Variants in USP3 observed in about 807,000 individuals in gnomAD.
USP3 encodes ubiquitin specific peptidase 3, also known as ubiquitin carboxyl-terminal hydrolase 3.
A neutral mutation model predicts 72.3 loss-of-function variants in USP3; 20 were observed. That is an observed-to-expected ratio of 0.28 (90% CI 0.19 to 0.40). The LOEUF is 0.40. USP3 is among the 10% of genes least tolerant of loss of function. USP3 has a pLI of 1.00. For missense variants in USP3, 479 were observed against 633.9 expected (o/e 0.76, Z 2.62); for synonymous variants, 222 against 225.3 (o/e 0.99, Z 0.13).
intron 1 of USP3, among the ~76,000 whole-genome samples, chr15:63,512,272 T>TTCTTCTTCC (rs534233373): frequency 6.6e-6 from 1 of 151,152 alleles, no homozygotes; most frequent in Non-Finnish European, 1.5e-5. Context: ...TCCCCTCTTC[T>TTCTTCTTCC]TCTTCTTCCT....
rs1260288881 is a variant in USP3 at position 63,504,647 on chromosome 15, A to G, written c.-93A>G. The G allele has an allele frequency of 1.1e-5, 12 of 1,130,898 alleles. No homozygotes were observed. Among genetic ancestry groups the G allele is most frequent in the African/African-American group, 6.5e-5 (4 of 61,728 alleles). 70.1% of individuals were successfully genotyped at this position (1,130,898 alleles called of 1,614,324 possible). A position where few individuals can be genotyped will look rare whatever the true frequency, so the allele number is the denominator to read the frequency against. ...GCCGCCGTCGGCCGAGCGCCCGGCTAGAAGCGACACCAGACGGAGCCTCCG... is the reference window on the plus strand; with the variant it reads ...GCCGCCGTCGGCCGAGCGCCCGGCTGGAAGCGACACCAGACGGAGCCTCCG... On this transcript the variant is annotated 5_prime_UTR_variant, in exon 1 of 15. Transcript: ENST00000380324.
At chr15:63,518,673 T>TCATGTATATATTTA in intron 1 of USP3, among the ~76,000 whole-genome samples, 1 of 152,348 alleles carries the variant, frequency 6.6e-6, no homozygotes, top group South Asian at 2.1e-4. Context: ...ATTTGTTTTA[T>TCATGTATATATTTA]CATGTATATA....
At chr15:63,558,322 T>G in intron 6 of USP3, 134 bp downstream of exon 6, 1 of 944,712 alleles carries the variant, frequency 1.1e-6, no homozygotes. Flanking sequence ...TGCTTTTGTT[T>G]CCTCATCAGT....
intron 4 of USP3, among the ~76,000 whole-genome samples, chr15:63,555,340 G>A (rs573155748): frequency 3.5e-4 from 53 of 152,186 alleles, no homozygotes; most frequent in Admixed American, 9.8e-4. Flanking sequence ...CGCATGCCCC[G>A]TGGAGCAGCA....
rs772552303 is a variant in USP3 at position 63,590,830 on chromosome 15, C to T, written c.*4C>T. 1 of 1,606,150 alleles carries T rather than the reference C, an allele frequency of 6.2e-7. No homozygotes were observed. On this transcript the variant is annotated 3_prime_UTR_variant, in exon 15 of 15. Coordinates refer to ENST00000380324, the MANE Select transcript of USP3 (RefSeq NM_006537.4). ...AGCTGGATCGGATAAACTTTAATAC[C>T]TCCTCCAAATCATCATTCACCAACC... is the stretch of plus-strand genomic sequence containing the variant.
At chr15:63,547,330 G>A (rs2066344273) in intron 3 of USP3, among the ~76,000 whole-genome samples, 1 of 152,130 alleles carries the variant, frequency 6.6e-6, no homozygotes, top group African/African-American at 2.4e-5. Context: ...CCCTCTTAGT[G>A]ACTGACTATA....
chr15:63,574,506 T>C lies in USP3; in HGVS notation c.1096+103T>C. On this transcript the variant is annotated intron_variant, in intron 11 of 14. Coordinates refer to ENST00000380324, the MANE Select transcript of USP3 (RefSeq NM_006537.4). The surrounding 1 kb of genome is among the most constrained non-coding windows in gnomAD (Gnocchi z 4.6). ...ATCTTTAATTAATATCTTTAATGAA[T>C]CTGTGTTGTAACTTAACAAAAGTCA... 1 of 872,502 alleles carries C rather than the reference T, an allele frequency of 1.1e-6. No individual in the cohort carries two copies. Among genetic ancestry groups the C allele is most frequent in the Non-Finnish European group, 1.7e-6 (1 of 605,120 alleles). 54.0% of individuals were successfully genotyped at this position (872,502 alleles called of 1,614,324 possible).
intron 1 of USP3, among the ~76,000 whole-genome samples, chr15:63,518,426 G>C (rs72750932): frequency 0.1 from 15,300 of 152,224 alleles, 1,046 homozygotes; most frequent in Non-Finnish European, 0.15. Flanking sequence ...AGGCAAGTTA[G>C]TGCCAGGTTT....
chr15:63,541,729 A>G (rs2066248041), intron 3 of USP3, among the ~76,000 whole-genome samples: 1 of 152,156 alleles, frequency 6.6e-6, no homozygotes, highest in Non-Finnish European at 1.5e-5. Context: ...TCAGTTTGAA[A>G]TAGGTGAAGT....
At chr15:63,589,400 C>T (rs1053912355) in intron 14 of USP3, among the ~76,000 whole-genome samples, 2 of 152,162 alleles carry the variant, frequency 1.3e-5, no homozygotes, top group Non-Finnish European at 2.9e-5. Context: ...TTAATTTTTT[C>T]CCCTGAAAGT....
chr15:63,504,982 C>A, intron 1 of USP3, 152 bp downstream of exon 1: 1 of 406,564 alleles, frequency 2.5e-6, no homozygotes, highest in Non-Finnish European at 3.5e-6. Context: ...CGCGATGAGG[C>A]GGGCGCGTGC....
chr15:63,593,064 G>A lies in USP3; in HGVS notation c.*2238G>A, dbSNP rs758531332. 2 of 152,334 alleles carry A rather than the reference G, an allele frequency of 1.3e-5. No individual in the cohort carries two copies. The highest frequency in any genetic ancestry group is 3.4e-3 in the Middle Eastern group (1 of 294). 9.4% of individuals were successfully genotyped at this position (152,334 alleles called of 1,614,324 possible). A position where few individuals can be genotyped will look rare whatever the true frequency, so the allele number is the denominator to read the frequency against. On this transcript the variant is annotated 3_prime_UTR_variant, in exon 15 of 15. Coordinates refer to ENST00000380324, the MANE Select transcript of USP3 (RefSeq NM_006537.4). ...CAAGTGCTCAGCACCCACATACGGC[G>A]TAGGACAATGCTGGTCTAAATTTTC... is the stretch of plus-strand genomic sequence containing the variant.
intron 6 of USP3, 50 bp from the exon 7 acceptor site, chr15:63,559,807 C>A (rs566127898): frequency 6.1e-6 from 9 of 1,487,022 alleles, no homozygotes; most frequent in Non-Finnish European, 7.3e-6. Flanking sequence ...ACTTTCTTTA[C>A]AGTCCTATTC....
rs182234742 is a variant in USP3, at chr15:63,534,655, C to G, written c.152+1948C>G. Among the ~76,000 whole-genome samples, 21 of 152,212 alleles carry G rather than the reference C, an allele frequency of 1.4e-4. No homozygotes were observed. In the East Asian group the frequency reaches 2.5e-3, roughly 18 times the overall value. ...AATCTTAATATCAGTATTCCTACTT[C>G]TTAGTTTATCTCTGATATGCACCGG... On this transcript the variant is annotated intron_variant, in intron 2 of 14. Transcript: ENST00000380324.
intron 4 of USP3, among the ~76,000 whole-genome samples, chr15:63,554,788 T>C (rs1426674494): frequency 1.3e-5 from 2 of 152,198 alleles, no homozygotes; most frequent in Non-Finnish European, 2.9e-5. Context: ...AGAATAATGA[T>C]TTCTTTAAAT....
chr15:63,506,622 G>C (rs967233055), intron 1 of USP3, among the ~76,000 whole-genome samples: 2 of 152,214 alleles, frequency 1.3e-5, no homozygotes, highest in African/African-American at 4.8e-5. Context: ...CAGTCAGGGA[G>C]TCCACTTGAC....
At position 63,544,655 on chromosome 15, in the gene USP3, A is replaced by C. The variant is rs780335125; in HGVS notation, c.284+7499A>C. On this transcript the variant is annotated intron_variant, in intron 3 of 14. Coordinates refer to ENST00000380324, the MANE Select transcript of USP3 (RefSeq NM_006537.4). This position sits in a 1 kb window ranked among gnomAD's most constrained non-coding sequence, Gnocchi z 4.2. ...TGGAGAATGGGGGAAGAATGTAAAG[A>C]TGGAGATGACCGAATGAGGAATATT... is the stretch of plus-strand genomic sequence containing the variant. 2 of 700,284 alleles carry C rather than the reference A, an allele frequency of 2.9e-6. No homozygotes were observed. Among genetic ancestry groups the C allele is most frequent in the Non-Finnish European group, 5.2e-6 (2 of 383,812 alleles). The allele number at this position is 700,284 out of a possible 1,614,324, so 43.4% of individuals were successfully genotyped here.
chr15:63,556,904 G>A (rs758664682), intron 5 of USP3, 156 bp downstream of exon 5: 54 of 587,948 alleles, frequency 9.2e-5, no homozygotes, highest in Non-Finnish European at 1.3e-4. Flanking sequence ...CTGTACTGTC[G>A]ATTGTTGCCG....
At chr15:63,530,638 GA>G in intron 1 of USP3, 1 of 425,330 alleles carries the variant, frequency 2.4e-6, no homozygotes, top group Non-Finnish European at 4.7e-6. Flanking sequence ...TTTACTAAGA[GA>G]AAAAAGCTTT....
Sources: gnomAD v4.1 joint callset for allele counts (sites outside exome capture counted in the v4.1 genomes callset) on GRCh38, gnomAD v4.1.1 for gene constraint, Gnocchi (gnomAD v3.1) non-coding constraint, MANE v1.5 for transcripts, NCBI Gene and HGNC (gene_info 2026-07-23, HGNC 2026-07-21) for gene names.